Variants in PHTF2 observed in about 807,000 individuals in gnomAD.
The protein encoded by PHTF2 is putative homeodomain transcription factor 2, also known as protein PHTF2.
In PHTF2, 60 loss-of-function variants were observed where a neutral mutation model predicts 101.2. That is an observed-to-expected ratio of 0.59 (90% CI 0.48 to 0.73). The LOEUF is 0.73. Among genes scored for constraint, PHTF2 ranks in the 30% least tolerant of loss-of-function variants. PHTF2 has a pLI of 0.00. For missense variants in PHTF2, 747 were observed against 908.7 expected, an observed-to-expected ratio of 0.82 and a Z score of 2.29; for synonymous variants, 311 against 307.3, an observed-to-expected ratio of 1.01 and a Z score of -0.13.
rs556778401 is a variant in PHTF2 at position 77,930,550 on chromosome 7, C to T, written c.1338+1223C>T. 2.0e-4 allele frequency among the ~76,000 whole-genome samples: 31 copies of T among 151,996 alleles called. 2 individuals are homozygous for T. In the South Asian group the frequency reaches 6.2e-3, roughly 31 times the overall value. On this transcript the variant is annotated intron_variant, in intron 12 of 19. Transcript: ENST00000416283. ...TCAAACCAAGTAAAGTCAGAAAACT[C>T]GAGAAAAAAAAGAGAACTTTCAATC... is the stretch of plus-strand genomic sequence containing the variant.
At chr7:77,943,863 C>T (rs943925258) in intron 16 of PHTF2, among the ~76,000 whole-genome samples, 1 of 151,672 alleles carries the variant, frequency 6.6e-6, no homozygotes, top group Non-Finnish European at 1.5e-5. Context: ...ATTAAAAATA[C>T]AAAAATTAGC....
intron 16 of PHTF2, among the ~76,000 whole-genome samples, chr7:77,949,062 A>G (rs535636237): frequency 2.4e-4 from 37 of 152,250 alleles, no homozygotes; most frequent in African/African-American, 8.7e-4. Context: ...GTTGTGGTTG[A>G]TTGTTTTACT....
intron 15 of PHTF2, among the ~76,000 whole-genome samples, chr7:77,940,967 G>T (rs1805592760): frequency 6.6e-6 from 1 of 152,018 alleles, no homozygotes. Flanking sequence ...TTAATCTTTT[G>T]AGTAATTTTC....
chr7:77,849,420 G>T (rs1304358661), intron 2 of PHTF2, among the ~76,000 whole-genome samples: 1 of 152,134 alleles, frequency 6.6e-6, no homozygotes, highest in Non-Finnish European at 1.5e-5. Context: ...TTACAGGCGT[G>T]AGCCACTGTG....
chr7:77,885,073 C>T (rs567477815), intron 3 of PHTF2, among the ~76,000 whole-genome samples: 38 of 152,116 alleles, frequency 2.5e-4, no homozygotes, highest in African/African-American at 7.9e-4. Context: ...TGTGCATCTA[C>T]TTTTTTTAAA....
chr7:77,881,101 C>T (rs1799376559), intron 3 of PHTF2, among the ~76,000 whole-genome samples: 1 of 152,190 alleles, frequency 6.6e-6, no homozygotes, highest in South Asian at 2.1e-4. Context: ...TTCCAAATCT[C>T]ATCTAATGAC....
chr7:77,934,214 A>G (rs1265295390), intron 12 of PHTF2, among the ~76,000 whole-genome samples: 1 of 152,210 alleles, frequency 6.6e-6, no homozygotes, highest in Non-Finnish European at 1.5e-5. Context: ...AACACTGAGC[A>G]TTTGAATTAG....
chr7:77,837,739 C>T (rs935424683), intron 1 of PHTF2, among the ~76,000 whole-genome samples: 11 of 151,874 alleles, frequency 7.2e-5, no homozygotes, highest in Non-Finnish European at 1.2e-4. Context: ...AAAGTCTTTG[C>T]GATTATTTTC....
intron 19 of PHTF2, among the ~76,000 whole-genome samples, chr7:77,954,396 A>C (rs1371871838): frequency 1.3e-5 from 2 of 152,140 alleles, no homozygotes; most frequent in East Asian, 3.8e-4. Context: ...GGCCTCCCAG[A>C]GTGCTGGGAT....
intron 11 of PHTF2, among the ~76,000 whole-genome samples, chr7:77,927,626 C>T (rs1178999818): frequency 6.6e-6 from 1 of 152,158 alleles, no homozygotes; most frequent in Admixed American, 6.5e-5. Context: ...ACTTCAGGAA[C>T]AAAGTGATCA....
chr7:77,893,881 C>A, intron 4 of PHTF2, 101 bp from the exon 4 acceptor site: 1 of 877,620 alleles, frequency 1.1e-6, no homozygotes, highest in Non-Finnish European at 1.9e-6. Flanking sequence ...AATTGAATTT[C>A]TAATGACTAT....
In PHTF2 at chr7:77,876,303, A is replaced by C. The variant is rs77002262; in HGVS notation, c.148-17305A>C. On this transcript the variant is annotated intron_variant, in intron 3 of 19. Transcript: ENST00000416283. ...GCAGTTACTGATTATTAATACAACTATCACTTTTTAAGTGTTTTTAGTCTA... is the reference window on the plus strand; with the variant it reads ...GCAGTTACTGATTATTAATACAACTCTCACTTTTTAAGTGTTTTTAGTCTA... Among the ~76,000 whole-genome samples the C allele has an allele frequency of 4.2e-3, 645 of 152,322 alleles. 5 individuals carry two copies. Among genetic ancestry groups the C allele is most frequent in the African/African-American group, 0.014 (600 of 41,568 alleles).
At chr7:77,855,235 T>G (rs967102918) in intron 3 of PHTF2, among the ~76,000 whole-genome samples, 1 of 152,254 alleles carries the variant, frequency 6.6e-6, no homozygotes, top group African/African-American at 2.4e-5. Flanking sequence ...GGTTCCCTTC[T>G]GTCCCAGGGT....
intron 2 of PHTF2, among the ~76,000 whole-genome samples, chr7:77,841,143 G>T (rs1289403950): frequency 7.5e-6 from 1 of 133,834 alleles, no homozygotes; most frequent in Non-Finnish European, 1.5e-5. Context: ...GTAGTGGCGC[G>T]ATCTCGGCTC....
At chr7:77,851,600 T>A (rs936632983) in intron 2 of PHTF2, among the ~76,000 whole-genome samples, 4 of 127,442 alleles carry the variant, frequency 3.1e-5, no homozygotes, top group African/African-American at 1.3e-4. Flanking sequence ...TCTGCTCTGA[T>A]TTTTTTTTTT....
At chr7:77,940,891 AC>A (rs1805587652) in intron 15 of PHTF2, among the ~76,000 whole-genome samples, 1 of 152,182 alleles carries the variant, frequency 6.6e-6, no homozygotes, top group Admixed American at 6.5e-5. Flanking sequence ...CACAGAAGTG[AC>A]CTATTACTAT....
intron 9 of PHTF2, among the ~76,000 whole-genome samples, chr7:77,919,000 C>G (rs562061112): frequency 6.6e-6 from 1 of 152,300 alleles, no homozygotes; most frequent in South Asian, 2.1e-4. Context: ...CAGAAACTTT[C>G]TAGGTTGATG....
At chr7:77,912,710 CTTTTTTTTTTTTTTTTT>C (rs536966733) in intron 9 of PHTF2, among the ~76,000 whole-genome samples, 280 of 80,422 alleles carry the variant, frequency 3.5e-3, no homozygotes, top group Non-Finnish European at 4.3e-3. Context: ...AGAGAACCAC[CTTTTTTTTTTTTTTTTT>C]TTTTTTTTTT....
At position 77,879,915 on chromosome 7, in the gene PHTF2, A is replaced by C. The variant is rs1330478274; in HGVS notation, c.148-13693A>C. On this transcript the variant is annotated intron_variant, in intron 3 of 19. Transcript: ENST00000416283. ...CATCTAGCCTAACACCTAACACTTG[A>C]TTGTTAGTTGAGGGTATTAGCTCCC... Among the ~76,000 whole-genome samples the C allele has an allele frequency of 2.0e-5, 3 of 152,250 alleles. No individual in the cohort carries two copies. In the East Asian group the frequency reaches 5.8e-4, roughly 29 times the overall value.
Sources: gnomAD v4.1 joint callset for allele counts (sites outside exome capture counted in the v4.1 genomes callset) on GRCh38, gnomAD v4.1.1 for gene constraint, MANE v1.5 for transcripts, NCBI Gene and HGNC (gene_info 2026-07-23, HGNC 2026-07-21) for gene names.